The following RUFY4 variants were observed in gnomAD, a reference collection of about 807,000 sequenced individuals.
The protein encoded by RUFY4 is RUN and FYVE domain-containing protein 4.
A neutral mutation model predicts 69.0 loss-of-function variants in RUFY4; 73 were observed. That is an observed-to-expected ratio of 1.06 (90% CI 0.88 to 1.29). The LOEUF (loss-of-function observed/expected upper bound fraction) is 1.29. Among genes scored for constraint, RUFY4 ranks in the 50% most tolerant of loss-of-function variants. The probability of loss-of-function intolerance (pLI) is 0.00; values close to 1 mark genes in which losing one functional copy is unlikely to be tolerated. For missense variants in RUFY4, 770 were observed against 705.6 expected, an observed-to-expected ratio of 1.09 and a Z score of -1.03; for synonymous variants, 287 against 271.8, an observed-to-expected ratio of 1.06 and a Z score of -0.55.
intron 2 of RUFY4, among the ~76,000 whole-genome samples, chr2:218,039,266 A>T (rs1959025566): frequency 6.6e-6 from 1 of 152,318 alleles, no homozygotes; most frequent in Admixed American, 6.5e-5. Flanking sequence ...CAAGATTTAC[A>T]CTACCATTAG....
intron 2 of RUFY4, among the ~76,000 whole-genome samples, chr2:218,046,594 G>A (rs1447276300): frequency 1.3e-5 from 2 of 152,140 alleles, no homozygotes; most frequent in East Asian, 1.9e-4. Context: ...AAGAAAATTT[G>A]GTTAGTCTTA....
chr2:218,070,490 C>T, upstream of RUFY4: 1 of 892,922 alleles, frequency 1.1e-6, no homozygotes, highest in Non-Finnish European at 1.8e-6. Flanking sequence ...TAGTCACTTT[C>T]CCTCTGTAGG....
chr2:218,053,087 G>C (rs1419636839), intron 2 of RUFY4, among the ~76,000 whole-genome samples: 1 of 151,990 alleles, frequency 6.6e-6, no homozygotes, highest in Non-Finnish European at 1.5e-5. Context: ...AGCCTCCTAG[G>C]TAGCTGGGAT....
intron 3 of RUFY4, chr2:218,060,411 C>T: frequency 5.2e-6 from 8 of 1,553,174 alleles, no homozygotes; most frequent in Non-Finnish European, 7.0e-6. Flanking sequence ...GCAGGGAGTC[C>T]TTGCTGATCA....
chr2:218,072,279 T>TC, intron 2 of RUFY4, 95 bp from the exon 5 acceptor site: 3 of 1,424,748 alleles, frequency 2.1e-6, no homozygotes, highest in Non-Finnish European at 2.8e-6. Flanking sequence ...GCAGGAGCCC[T>TC]CTCCTCCAGT....
intron 8 of RUFY4, among the ~76,000 whole-genome samples, chr2:218,081,920 C>T (rs1689767032): frequency 2.0e-5 from 3 of 152,208 alleles, no homozygotes; most frequent in South Asian, 4.1e-4. Context: ...ATTGTCAAGC[C>T]TCTTGCAAGC....
chr2:218,066,803 A>T (rs1259072359), upstream of RUFY4, among the ~76,000 whole-genome samples: 1 of 152,220 alleles, frequency 6.6e-6, no homozygotes, highest in African/African-American at 2.4e-5. Flanking sequence ...CCAATCCAGG[A>T]TCTCACATTA....
At chr2:218,075,714 G>C in exon 7 of RUFY4, 2 of 1,453,362 alleles carry the variant, frequency 1.4e-6, no homozygotes, top group Non-Finnish European at 1.8e-6. Context: ...GGAGCAAGCC[G>C]AGGTGTCCCT....
At chr2:218,077,556 A>T (rs117983338) in intron 8 of RUFY4, among the ~76,000 whole-genome samples, 2,139 of 152,068 alleles carry the variant, frequency 0.014, 16 homozygotes, top group South Asian at 0.047. Flanking sequence ...CCGTGGCCTG[A>T]CTCAGCCTCT....
At chr2:218,051,499 G>C (rs1489773127) in intron 2 of RUFY4, among the ~76,000 whole-genome samples, 1 of 150,322 alleles carries the variant, frequency 6.7e-6, no homozygotes, top group Non-Finnish European at 1.5e-5. Flanking sequence ...ATATTAAGTG[G>C]TTTCCATAAT....
intron 4 of RUFY4, 52 bp from the exon 7 acceptor site, chr2:218,073,191 G>A (rs1215471543): frequency 6.5e-6 from 10 of 1,533,342 alleles, no homozygotes; most frequent in Non-Finnish European, 7.9e-6. Context: ...TTGGGGCAGG[G>A]GGAAACAGCA....
exon 2 of RUFY4, chr2:218,070,762 C>T (rs1689466354): frequency 6.5e-7 from 1 of 1,536,874 alleles, no homozygotes; most frequent in African/African-American, 1.4e-5. Context: ...GCTGCCGTCT[C>T]TGCCATCCTC....
intron 2 of RUFY4, among the ~76,000 whole-genome samples, chr2:218,040,746 G>A (rs1282618087): frequency 1.3e-5 from 2 of 152,008 alleles, no homozygotes; most frequent in Admixed American, 6.5e-5. Flanking sequence ...TGGTAGGGAC[G>A]GAACATACTA....
intron 3 of RUFY4, among the ~76,000 whole-genome samples, chr2:218,062,813 G>A (rs1689232277): frequency 6.6e-6 from 1 of 152,210 alleles, no homozygotes. Context: ...AGGTTATTTG[G>A]GGAGCTCTGA....
At chr2:218,055,145 A>G (rs1014564831) in intron 2 of RUFY4, among the ~76,000 whole-genome samples, 1 of 152,254 alleles carries the variant, frequency 6.6e-6, no homozygotes, top group Non-Finnish European at 1.5e-5. Context: ...CTGTAATCCC[A>G]TCACTTTGGG....
intron 2 of RUFY4, among the ~76,000 whole-genome samples, chr2:218,053,407 A>G (rs1420312069): frequency 1.4e-5 from 2 of 147,508 alleles, no homozygotes; most frequent in Non-Finnish European, 3.0e-5. Flanking sequence ...GTTCTGTGCC[A>G]TGAACATGGC....
intron 2 of RUFY4, among the ~76,000 whole-genome samples, chr2:218,055,537 G>C (rs188420877): frequency 2.8e-4 from 43 of 152,190 alleles, no homozygotes; most frequent in Non-Finnish European, 4.4e-4. Flanking sequence ...GAATACACTC[G>C]TTATTGCTTT....
At chr2:218,045,340 A>G (rs1301427157) in intron 2 of RUFY4, among the ~76,000 whole-genome samples, 3 of 152,188 alleles carry the variant, frequency 2.0e-5, no homozygotes, top group Non-Finnish European at 4.4e-5. Flanking sequence ...TTTTTATTGA[A>G]CCAGTGCAAA....
intron 3 of RUFY4, among the ~76,000 whole-genome samples, chr2:218,062,871 C>T (rs1386166626): frequency 6.6e-6 from 1 of 152,224 alleles, no homozygotes; most frequent in Non-Finnish European, 1.5e-5. Flanking sequence ...CCAGCCTGCA[C>T]CCCAATAAGA....
Sources: gnomAD v4.1 joint callset for allele counts (sites outside exome capture counted in the v4.1 genomes callset) on GRCh38, gnomAD v4.1.1 for gene constraint, MANE v1.5 for transcripts, NCBI Gene and HGNC (gene_info 2026-07-23, HGNC 2026-07-21) for gene names.